ASAP3: variants seen among roughly 807,000 people sequenced by gnomAD.
ASAP3 encodes arf-GAP with SH3 domain, ANK repeat and PH domain-containing protein 3.
In ASAP3, 85 loss-of-function variants were observed where a neutral mutation model predicts 118.2. The observed-to-expected ratio is 0.72, with a 90% CI of 0.60 to 0.86. ASAP3 has a LOEUF of 0.86. Among genes scored for constraint, ASAP3 ranks in the 40% least tolerant of loss-of-function variants. The pLI is 0.00. For synonymous variants in ASAP3, 432 were observed against 477.4 expected (o/e 0.90, Z 1.24); for missense variants, 1,026 against 1,175.0 (o/e 0.87, Z 1.85).
At chr1:23,475,685 C>A (rs987840258) in intron 1 of ASAP3, among the ~76,000 whole-genome samples, 4 of 152,222 alleles carry the variant, frequency 2.6e-5, no homozygotes, top group African/African-American at 9.6e-5. Context: ...AGATAGAATT[C>A]TTGGCCAGGC....
At position 23,480,328 on chromosome 1, in the gene ASAP3, A is replaced by T. The variant is rs368203465; in HGVS notation, c.129+3677T>A. ...GTCCACTAGCAGTTTGAGGCACACAATATAGTATGAATTCTTAGCTCTGGT... is the reference window on the plus strand; with the variant it reads ...GTCCACTAGCAGTTTGAGGCACACATTATAGTATGAATTCTTAGCTCTGGT... On this transcript the variant is annotated intron_variant, in intron 1 of 24. Coordinates refer to ENST00000336689, the MANE Select transcript of ASAP3 (RefSeq NM_017707.4). 6 of 152,336 alleles carry T rather than the reference A, an allele frequency of 3.9e-5. No homozygotes were observed. The East Asian group carries it at 1.2e-3, about 29-fold the overall frequency. 9.4% of individuals were successfully genotyped at this position (152,336 alleles called of 1,614,324 possible). A position where few individuals can be genotyped will look rare whatever the true frequency, so the allele number is the denominator to read the frequency against.
At chr1:23,477,152 G>A (rs1445129917) in intron 1 of ASAP3, among the ~76,000 whole-genome samples, 3 of 151,394 alleles carry the variant, frequency 2.0e-5, no homozygotes, top group Non-Finnish European at 4.4e-5. Context: ...AAGTAGCTGG[G>A]ATTACAGGCA....
intron 1 of ASAP3, among the ~76,000 whole-genome samples, chr1:23,481,988 C>G (rs2148668606): frequency 6.6e-6 from 1 of 152,230 alleles, no homozygotes; most frequent in African/African-American, 2.4e-5. Flanking sequence ...CCTGTGAGCC[C>G]CACAGTAAAA....
chr1:23,476,828 G>A (rs896145361), intron 1 of ASAP3, among the ~76,000 whole-genome samples: 2 of 151,564 alleles, frequency 1.3e-5, no homozygotes, highest in Non-Finnish European at 2.9e-5. Context: ...CCTCCATCTG[G>A]AGCACCCCCA....
At chr1:23,472,767 T>A (rs1480556282) in intron 1 of ASAP3, among the ~76,000 whole-genome samples, 1 of 152,180 alleles carries the variant, frequency 6.6e-6, no homozygotes, top group Non-Finnish European at 1.5e-5. Flanking sequence ...GAGGGAATTT[T>A]AAAAAATTAC....
chr1:23,436,762 G>A lies in ASAP3; in HGVS notation c.1477-108C>T. On this transcript the variant is annotated intron_variant, in intron 15 of 24. Coordinates refer to ENST00000336689, the MANE Select transcript of ASAP3 (RefSeq NM_017707.4). The surrounding 1 kb of genome is among the most constrained non-coding windows in gnomAD (Gnocchi z 4.2). Reference sequence around the variant, plus strand: ...GTCCCGCCCCTCGGCCGCCCTCCCGGTTCAGGCCCCGCCCCTGACCACCCG... The same window carrying A: ...GTCCCGCCCCTCGGCCGCCCTCCCGATTCAGGCCCCGCCCCTGACCACCCG... The A allele has an allele frequency of 1.3e-6, 2 of 1,551,822 alleles. No homozygotes were observed. The highest frequency in any genetic ancestry group is 2.3e-5 in the East Asian group (1 of 43,700).
chr1:23,431,111 C>G lies in ASAP3; in HGVS notation c.2561G>C (p.Arg854Pro). The G allele has an allele frequency of 1.3e-6, 2 of 1,589,686 alleles. No homozygotes were observed. The highest frequency in any genetic ancestry group is 1.7e-6 in the Non-Finnish European group (2 of 1,168,580). Residue 854 changes from arginine to proline, a missense_variant, in exon 24 of 25, where the codon CGC becomes CCC. Transcript: ENST00000336689. Reference sequence around the variant, plus strand: ...GCTCCGCGCCCCCCGCCGATAGGAGCGAGTGCTCTCGGAGCTGGAAGGCAG... The same window carrying G: ...GCTCCGCGCCCCCCGCCGATAGGAGGGAGTGCTCTCGGAGCTGGAAGGCAG... The part of the protein sequence containing the change: ...LPVRFSSEST[R>P]SYRRGARSPE...
Position 23,455,863 on chromosome 1 carries a change from A to G in ASAP3, c.348+18T>C, listed in dbSNP as rs765114113. 7.4e-6 allele frequency: 12 copies of G among 1,613,850 alleles called. No individual in the cohort carries two copies. The Admixed American group carries it at 1.0e-4, about 13-fold the overall frequency. On this transcript the variant is annotated intron_variant, in intron 3 of 24. Coordinates refer to ENST00000336689, the MANE Select transcript of ASAP3 (RefSeq NM_017707.4). ...AGATTTACCCTGAGTCTGGGCAAGG[A>G]AGAGACAGGGGCCTCACCAGGTTCT...
intron 1 of ASAP3, among the ~76,000 whole-genome samples, chr1:23,458,020 C>G (rs1156721558): frequency 6.6e-6 from 1 of 152,168 alleles, no homozygotes; most frequent in East Asian, 1.9e-4. Context: ...GAAGGTCTGC[C>G]AAGTTCCAGG....
chr1:23,459,875 T>C (rs188254360), intron 1 of ASAP3, among the ~76,000 whole-genome samples: 424 of 152,336 alleles, frequency 2.8e-3, no homozygotes, highest in Non-Finnish European at 3.2e-3. Context: ...CCAGTGTCCA[T>C]TCTCTCTTCT....
At chr1:23,466,270 G>A (rs1641767699) in intron 1 of ASAP3, among the ~76,000 whole-genome samples, 1 of 152,206 alleles carries the variant, frequency 6.6e-6, no homozygotes, top group African/African-American at 2.4e-5. Flanking sequence ...GTGCTAGAGA[G>A]TGATTCAGAC....
rs1410217818 is a variant in ASAP3 at position 23,434,297 on chromosome 1, G to A, written c.1908C>T (p.Asp636=). 1.7e-5 allele frequency: 28 copies of A among 1,614,232 alleles called. No homozygotes were observed. The highest frequency in any genetic ancestry group is 1.2e-4 in the Admixed American group (7 of 60,022). ...LHYAALYNQP[D]CLKLLLKGRA... ...TCCCCTTCAGCAGCAGCTTGAGGCA[G>A]TCGGGCTGGTTGTAGAGTGCTGCGT... Residue 636 remains aspartate, a synonymous_variant, in exon 19 of 25, where the codon GAC becomes GAT. Transcript: ENST00000336689.
chr1:23,467,173 C>CATT (rs60663868), intron 1 of ASAP3, among the ~76,000 whole-genome samples: 3,932 of 148,284 alleles, frequency 0.027, 80 homozygotes, highest in African/African-American at 0.056. Context: ...CCATTACAGC[C>CATT]ATTATTATTA....
rs377564938 is a variant in ASAP3, at chr1:23,441,724, G to A, written c.678C>T (p.Phe226=). The change falls in exon 8 of 25, where the codon TTC becomes TTT. Residue 226 remains phenylalanine, a synonymous_variant. Transcript: ENST00000336689. ...IKFFHAQHNF[F]QDGWKAAQSL... is the part of the protein sequence containing the mutation. ...TCTGGGCAGCCTTCCAGCCATCTTG[G>A]AAAAAGCTAAGAGGTGTCAGAGGCC... The A allele has an allele frequency of 6.2e-7, 1 of 1,614,140 alleles. No homozygotes were observed. Among genetic ancestry groups the A allele is most frequent in the African/African-American group, 1.3e-5 (1 of 75,036 alleles).
At chr1:23,432,701 G>A (rs1000007349) in intron 22 of ASAP3, among the ~76,000 whole-genome samples, 1 of 152,184 alleles carries the variant, frequency 6.6e-6, no homozygotes, top group South Asian at 2.1e-4. Flanking sequence ...ATATCACATT[G>A]TGCCTTGTAT....
In ASAP3 at chr1:23,441,654, C is replaced by T; in HGVS notation, c.747+1G>A. 6.2e-7 allele frequency: 1 copy of T among 1,614,180 alleles called. No individual in the cohort carries two copies. The highest frequency in any genetic ancestry group is 8.5e-7 in the Non-Finnish European group (1 of 1,180,028). Reference sequence around the variant, plus strand: ...GTGCCCAAGGGTGAGACCCAACTTACTGCATGTACTGAGGCCGCCAGCTTC... The same window carrying T: ...GTGCCCAAGGGTGAGACCCAACTTATTGCATGTACTGAGGCCGCCAGCTTC... On this transcript the variant is annotated splice_donor_variant, in intron 8 of 24. Coordinates refer to ENST00000336689, the MANE Select transcript of ASAP3 (RefSeq NM_017707.4). LOFTEE classifies it high-confidence loss of function.
Position 23,456,025 on chromosome 1 carries a change from G to T in ASAP3, c.204C>A (p.Gly68=). ...GGTACTGCTCTTCATTCTCCACATG[G>T]CCTGTGGAGGTACAGACGGGAGCTT... is the stretch of plus-strand genomic sequence containing the variant. ...AVRAIHSSGL[G]HVENEEQYRE... Residue 68 remains glycine (G), a splice_region_variant and synonymous_variant, in exon 3 of 25, where the codon GGC becomes GGA. Transcript: ENST00000336689. The T allele has an allele frequency of 1.9e-6, 3 of 1,614,122 alleles. No individual in the cohort carries two copies. Among genetic ancestry groups the T allele is most frequent in the Non-Finnish European group, 2.5e-6 (3 of 1,179,980 alleles).
At chr1:23,457,465 G>A (rs563442365) in intron 1 of ASAP3, among the ~76,000 whole-genome samples, 1 of 152,324 alleles carries the variant, frequency 6.6e-6, no homozygotes, top group East Asian at 1.9e-4. Flanking sequence ...AGGAAGGGGG[G>A]TCTAGTTACG....
chr1:23,429,857 T>C lies in ASAP3; in HGVS notation c.2711A>G (p.Ter904TrpextTer27), dbSNP rs148021104. 1.2e-6 allele frequency: 2 copies of C among 1,613,562 alleles called. No homozygotes were observed. The highest frequency in any genetic ancestry group is 1.7e-6 in the Non-Finnish European group (2 of 1,179,736). Residue 904 changes from the stop codon to tryptophan, a stop_lost, in exon 25 of 25, where the codon TAG (stop) becomes TGG (tryptophan). Coordinates refer to ENST00000336689, the MANE Select transcript of ASAP3 (RefSeq NM_017707.4). Reference sequence around the variant, plus strand: ...GGGCATGTGGGGGCCAGCAAGGAGCTAGTCTTGCAAAAGTTGCACAGAACT... The same window carrying C: ...GGGCATGTGGGGGCCAGCAAGGAGCCAGTCTTGCAAAAGTTGCACAGAACT... ...PASSVQLLQD* is the reference protein window; with the variant it reads ...PASSVQLLQDW
Sources: gnomAD v4.1 joint callset for allele counts (sites outside exome capture counted in the v4.1 genomes callset) on GRCh38, gnomAD v4.1.1 for gene constraint, Gnocchi (gnomAD v3.1) non-coding constraint, MANE v1.5 for transcripts, NCBI Gene and HGNC (gene_info 2026-07-23, HGNC 2026-07-21) for gene names.